The following MCM10 variants were observed in gnomAD, a reference collection of about 807,000 sequenced individuals.
MCM10 encodes minichromosome maintenance 10 replication initiation factor, also known as protein MCM10 homolog.
Under a neutral mutation model 109.9 loss-of-function variants are expected in MCM10, and 91 were observed. That is an observed-to-expected ratio of 0.83 (90% CI 0.70 to 0.99). MCM10 has a LOEUF of 0.99. Ranked by LOEUF, MCM10 falls within the 50% of genes least tolerant of loss-of-function variation. The pLI is 0.00. For synonymous variants in MCM10, 380 were observed against 387.2 expected, an observed-to-expected ratio of 0.98 and a Z score of 0.22; for missense variants, 1,077 against 1,061.2, an observed-to-expected ratio of 1.01 and a Z score of -0.21.
At chr10:13,198,091 T>C (rs1396346105) in intron 15 of MCM10, among the ~76,000 whole-genome samples, 1 of 152,064 alleles carries the variant, frequency 6.6e-6, no homozygotes. Context: ...TTTTTGTATT[T>C]TTAGTATAGA....
At position 13,166,687 on chromosome 10, in the gene MCM10, T is replaced by TATATATAG. The variant is rs1470717727; in HGVS notation, c.7+2480_7+2481insATATAGAT. Reference sequence around the variant, plus strand: ...ATATATATATATATATATATATATATATCATCAGCTAAGAGTAAAGAGTGG... The same window carrying TATATATAG: ...ATATATATATATATATATATATATATATATATAGATCATCAGCTAAGAGTAAAGAGTGG... On this transcript the variant is annotated intron_variant, in intron 2 of 19. Coordinates refer to ENST00000378714, the MANE Select transcript of MCM10 (RefSeq NM_018518.5). Among the ~76,000 whole-genome samples the TATATATAG allele has an allele frequency of 2.2e-5, 3 of 137,910 alleles. 1 individual carries two copies. Among genetic ancestry groups the TATATATAG allele is most frequent in the African/African-American group, 8.4e-5 (3 of 35,780 alleles). 90.5% of individuals were successfully genotyped at this position (137,910 alleles called of 152,430 possible). A position where few individuals can be genotyped will look rare whatever the true frequency, so the allele number is the denominator to read the frequency against.
chr10:13,169,144 G>A (rs1208405974), intron 2 of MCM10, among the ~76,000 whole-genome samples: 2 of 152,150 alleles, frequency 1.3e-5, no homozygotes, highest in African/African-American at 4.8e-5. Flanking sequence ...ATTAGGGTGG[G>A]GCAGCCAGGT....
intron 18 of MCM10, among the ~76,000 whole-genome samples, chr10:13,207,165 A>G (rs1306701732): frequency 6.6e-6 from 1 of 152,120 alleles, no homozygotes; most frequent in East Asian, 1.9e-4. Context: ...TGGTGAATAT[A>G]TTAGGCTTTG....
At position 13,188,877 on chromosome 10, in the gene MCM10, G is replaced by A. The variant is rs1834309092; in HGVS notation, c.1216-4G>A. ...TCCTGATGCCACTGCTCTGCCTTTT[G>A]CAGCGTGACTGTGAGTACTGTCAGT... On this transcript the variant is annotated splice_polypyrimidine_tract_variant and splice_region_variant and intron_variant, in intron 9 of 19. Transcript: ENST00000378714. 6.2e-7 allele frequency: 1 copy of A among 1,613,834 alleles called. No homozygotes were observed. The highest frequency in any genetic ancestry group is 1.3e-5 in the African/African-American group (1 of 74,922).
At chr10:13,167,787 C>T (rs973589786) in intron 2 of MCM10, among the ~76,000 whole-genome samples, 5 of 152,130 alleles carry the variant, frequency 3.3e-5, no homozygotes, top group Non-Finnish European at 7.4e-5. Context: ...TAATACGTGC[C>T]GAACACTATT....
At chr10:13,174,033 T>C (rs1212570025) in intron 5 of MCM10, among the ~76,000 whole-genome samples, 1 of 150,522 alleles carries the variant, frequency 6.6e-6, no homozygotes, top group Non-Finnish European at 1.5e-5. Context: ...AATGAAGCAA[T>C]AGTAAATAGA....
intron 2 of MCM10, among the ~76,000 whole-genome samples, chr10:13,166,661 C>CATATATATATATAT (rs60500036): frequency 7.8e-5 from 7 of 89,662 alleles, no homozygotes; most frequent in African/African-American, 2.8e-4. Flanking sequence ...TACATACATA[C>CATATATATATATAT]ATATATATAT....
rs147528787 is a variant in MCM10 at position 13,200,287 on chromosome 10, A to G, written c.2239-1134A>G. On this transcript the variant is annotated intron_variant, in intron 16 of 19. Transcript: ENST00000378714. ...CACACAGATGTCTCATAGAGCACAC[A>G]GAAGCCAGGCAGGATGAGAAGCAAT... Among the ~76,000 whole-genome samples the G allele has an allele frequency of 2.0e-3, 311 of 152,342 alleles. 2 individuals are homozygous for G. Among genetic ancestry groups the G allele is most frequent in the African/African-American group, 7.0e-3 (289 of 41,582 alleles).
At chr10:13,191,477 G>A (rs1834346410) in intron 11 of MCM10, 78 bp downstream of exon 11, 2 of 1,129,408 alleles carry the variant, frequency 1.8e-6, no homozygotes, top group Non-Finnish European at 1.3e-6. Context: ...TACACATTGG[G>A]TACAGGGTAC....
intron 19 of MCM10, 21 bp downstream of exon 19, chr10:13,209,154 T>C (rs1471891481): frequency 6.2e-7 from 1 of 1,609,836 alleles, no homozygotes; most frequent in African/African-American, 1.3e-5. Flanking sequence ...TGCGTACTAA[T>C]TTTTGACTCC....
intron 16 of MCM10, among the ~76,000 whole-genome samples, chr10:13,200,218 T>G (rs1310187506): frequency 6.6e-6 from 1 of 152,070 alleles, no homozygotes; most frequent in Non-Finnish European, 1.5e-5. Context: ...TGTAGGGTTG[T>G]GTAGAAAGCA....
In MCM10 at chr10:13,172,438, A is replaced by G. The variant is rs182611060; in HGVS notation, c.412A>G (p.Ile138Val). ...ALQEQLKVTT[I>V]KQTASPARLQ... ...ACAAGAGCAGCTAAAAGTAACAACA[A>G]TTAAACAGACAGCAAGCCCAGCCCG... The change falls in exon 4 of 20, where the codon ATT becomes GTT. Residue 138 changes from isoleucine (I) to valine (V), a missense_variant. Ile to Val is a conservative substitution (Grantham distance 29). Transcript: ENST00000378714. This position sits in a 1 kb window ranked among gnomAD's most constrained non-coding sequence, Gnocchi z 5.2. 31 of 1,614,216 alleles carry G rather than the reference A, an allele frequency of 1.9e-5. No individual in the cohort carries two copies. Among genetic ancestry groups the G allele is most frequent in the African/African-American group, 9.3e-5 (7 of 75,060 alleles).
chr10:13,194,474 A>G (rs1834389638), intron 13 of MCM10, among the ~76,000 whole-genome samples: 1 of 152,226 alleles, frequency 6.6e-6, no homozygotes, highest in Admixed American at 6.5e-5. Context: ...TGAACCTGGG[A>G]GGCAGAGGTT....
In MCM10 at chr10:13,182,789, G is replaced by A. The variant is rs542044262; in HGVS notation, c.931-144G>A. ...ATGGGTTAAAGTTATCACACATGCT[G>A]ATGATACATATTTGAATAACAACAA... On this transcript the variant is annotated intron_variant, in intron 7 of 19. Coordinates refer to ENST00000378714, the MANE Select transcript of MCM10 (RefSeq NM_018518.5). The surrounding 1 kb of genome is among the most constrained non-coding windows in gnomAD (Gnocchi z 4.2). 15 of 600,596 alleles carry A rather than the reference G, an allele frequency of 2.5e-5. No individual in the cohort carries two copies. In the South Asian group the frequency reaches 3.5e-4, roughly 14 times the overall value. The allele number at this position is 600,596 out of a possible 1,614,324, so 37.2% of individuals were successfully genotyped here. A position where few individuals can be genotyped will look rare whatever the true frequency, so the allele number is the denominator to read the frequency against.
chr10:13,200,454 C>T (rs1394929185), intron 16 of MCM10, among the ~76,000 whole-genome samples: 1 of 152,238 alleles, frequency 6.6e-6, no homozygotes, highest in Non-Finnish European at 1.5e-5. Flanking sequence ...AGTATCACTA[C>T]TCTGAATGAT....
intron 11 of MCM10, among the ~76,000 whole-genome samples, chr10:13,191,892 A>C (rs975126307): frequency 1.3e-4 from 20 of 149,252 alleles, no homozygotes; most frequent in African/African-American, 4.4e-4. Flanking sequence ...AAAACAAAAA[A>C]ATTTTTAATA....
Position 13,184,875 on chromosome 10 carries a change from G to T in MCM10, c.1099-1289G>T, listed in dbSNP as rs540887624. On this transcript the variant is annotated intron_variant, in intron 8 of 19. Coordinates refer to ENST00000378714, the MANE Select transcript of MCM10 (RefSeq NM_018518.5). ...CCAGTTTCTTGGAGAGGAATACCATGCACTGTTTACCAGTCCTGTGGGAGG... is the reference window on the plus strand; with the variant it reads ...CCAGTTTCTTGGAGAGGAATACCATTCACTGTTTACCAGTCCTGTGGGAGG... 3.3e-5 allele frequency among the ~76,000 whole-genome samples: 5 copies of T among 152,244 alleles called. No homozygotes were observed. The Middle Eastern group carries it at 0.01, about 311-fold the overall frequency.
Position 13,192,482 on chromosome 10 carries a change from G to C in MCM10, c.1659G>C (p.Lys553Asn). The change falls in exon 13 of 20, where the codon AAG (lysine) becomes AAC (asparagine). Residue 553 changes from lysine (K) to asparagine (N), a missense_variant. Transcript: ENST00000378714. ...GIMGSPKPAI[K>N]SISASALLKQ... is the part of the protein sequence containing the mutation. ...TGGGGAGCCCAAAACCAGCCATCAA[G>C]TCCATCTCGGCCTCAGCACTCTTGA... 6.2e-7 allele frequency: 1 copy of C among 1,614,204 alleles called. No homozygotes were observed.
intron 14 of MCM10, among the ~76,000 whole-genome samples, chr10:13,196,928 T>TG (rs375038271): frequency 3.6e-4 from 55 of 152,102 alleles, no homozygotes; most frequent in Admixed American, 2.8e-3. Context: ...TTCTCTTTTT[T>TG]TGTGTGTTTG....
Sources: gnomAD v4.1 joint callset for allele counts (sites outside exome capture counted in the v4.1 genomes callset) on GRCh38, gnomAD v4.1.1 for gene constraint, Gnocchi (gnomAD v3.1) non-coding constraint, MANE v1.5 for transcripts, NCBI Gene and HGNC (gene_info 2026-07-23, HGNC 2026-07-21) for gene names.